The following SMYD3 variants were observed in gnomAD, a reference collection of about 807,000 sequenced individuals.
The protein encoded by SMYD3 is SET and MYND domain containing 3, also known as histone-lysine N-methyltransferase SMYD3.
In SMYD3, 36 loss-of-function variants were observed where a neutral mutation model predicts 57.7. That is an observed-to-expected ratio of 0.62 (90% CI 0.48 to 0.82). The LOEUF is 0.82. Among genes scored for constraint, SMYD3 ranks in the 40% least tolerant of loss-of-function variants. The pLI is 0.00. For missense variants in SMYD3, 515 were observed against 538.8 expected, an observed-to-expected ratio of 0.96 and a Z score of 0.44; for synonymous variants, 211 against 195.0, an observed-to-expected ratio of 1.08 and a Z score of -0.68.
intron 10 of SMYD3, among the ~76,000 whole-genome samples, chr1:245,851,252 A>G (rs577374643): frequency 2.4e-4 from 37 of 152,262 alleles, no homozygotes; most frequent in African/African-American, 8.7e-4. Flanking sequence ...GCTATCTGTA[A>G]GCTCCACCAG....
At chr1:245,974,218 C>A (rs1393376250) in intron 5 of SMYD3, among the ~76,000 whole-genome samples, 1 of 152,152 alleles carries the variant, frequency 6.6e-6, no homozygotes, top group Non-Finnish European at 1.5e-5. Flanking sequence ...CTTTAAATGA[C>A]ATTTTTCAAA....
intron 5 of SMYD3, among the ~76,000 whole-genome samples, chr1:246,154,431 C>T (rs546756233): frequency 2.6e-5 from 4 of 152,130 alleles, no homozygotes; most frequent in African/African-American, 4.8e-5. Context: ...ATTTGACCCC[C>T]GCTCACGGCA....
chr1:246,161,113 A>G (rs971846062), intron 5 of SMYD3, among the ~76,000 whole-genome samples: 1 of 151,966 alleles, frequency 6.6e-6, no homozygotes, highest in Non-Finnish European at 1.5e-5. Flanking sequence ...TGGCAGCACC[A>G]CCCCGCTCCA....
rs151186837 is a variant in SMYD3, at chr1:246,142,431, T to C, written c.531+184770A>G. On this transcript the variant is annotated intron_variant, in intron 5 of 11. Transcript: ENST00000490107. ...CACTTTACAGCTTCTTTTTGGCATA[T>C]CCAAATTGACAGCGCTAGTCTTGCA... is the stretch of plus-strand genomic sequence containing the variant. Among the ~76,000 whole-genome samples the C allele has an allele frequency of 4.6e-5, 7 of 152,246 alleles. No homozygotes were observed. In the South Asian group the frequency reaches 1.2e-3, roughly 27 times the overall value.
chr1:246,348,060 T>TATATATATATATA (rs1173574600), intron 2 of SMYD3, among the ~76,000 whole-genome samples: 3 of 83,008 alleles, frequency 3.6e-5, no homozygotes, highest in Non-Finnish European at 8.0e-5. Flanking sequence ...AAAGAAAACG[T>TATATATATATATA]TATATATATA....
chr1:245,817,628 C>T (rs1572425014), intron 10 of SMYD3, among the ~76,000 whole-genome samples: 1 of 151,782 alleles, frequency 6.6e-6, no homozygotes, highest in East Asian at 1.9e-4. Context: ...AAACCAAAGG[C>T]AAAGAAGTTG....
At chr1:246,090,180 C>A (rs528932805) in intron 5 of SMYD3, among the ~76,000 whole-genome samples, 4 of 152,116 alleles carry the variant, frequency 2.6e-5, no homozygotes, top group African/African-American at 9.6e-5. Flanking sequence ...TACTAGAGTA[C>A]AAAAGAAAAG....
chr1:246,364,264 A>G (rs2066060934), intron 1 of SMYD3, among the ~76,000 whole-genome samples: 1 of 152,176 alleles, frequency 6.6e-6, no homozygotes, highest in Non-Finnish European at 1.5e-5. Flanking sequence ...TAAAAACAAT[A>G]AATCTGATGG....
At chr1:245,797,971 A>T (rs952960189) in intron 10 of SMYD3, among the ~76,000 whole-genome samples, 1 of 152,074 alleles carries the variant, frequency 6.6e-6, no homozygotes, top group Non-Finnish European at 1.5e-5. Flanking sequence ...TCAGTACGTG[A>T]GAATTTTGGG....
At chr1:246,501,452 C>A (rs2068453994) in intron 1 of SMYD3, among the ~76,000 whole-genome samples, 1 of 152,206 alleles carries the variant, frequency 6.6e-6, no homozygotes. Flanking sequence ...CTGCCACACC[C>A]CGTACCTGTT....
intron 5 of SMYD3, among the ~76,000 whole-genome samples, chr1:245,934,577 ATAGT>A (rs1353444887): frequency 6.6e-6 from 1 of 152,124 alleles, no homozygotes; most frequent in Admixed American, 6.6e-5. Context: ...TTTTGGTCAC[ATAGT>A]TAAAGGGTTT....
chr1:245,805,256 A>G (rs530718190), intron 10 of SMYD3, among the ~76,000 whole-genome samples: 8 of 151,898 alleles, frequency 5.3e-5, no homozygotes, highest in African/African-American at 1.9e-4. Flanking sequence ...AATGTTGATA[A>G]TATAAGAGAG....
At position 245,821,325 on chromosome 1, in the gene SMYD3, C is replaced by G. The variant is rs377052872; in HGVS notation, c.1076+37171G>C. On this transcript the variant is annotated intron_variant, in intron 10 of 11. Coordinates refer to ENST00000490107, the MANE Select transcript of SMYD3 (RefSeq NM_001167740.2). Reference sequence around the variant, plus strand: ...ATTCCCTATTTAATAAATGGTGCTGCGAAAACTGGCTAGCCATATGTAGAA... The same window carrying G: ...ATTCCCTATTTAATAAATGGTGCTGGGAAAACTGGCTAGCCATATGTAGAA... Among the ~76,000 whole-genome samples the G allele has an allele frequency of 2.5e-3, 381 of 150,554 alleles. 4 individuals are homozygous for G. Among genetic ancestry groups the G allele is most frequent in the African/African-American group, 7.4e-3 (308 of 41,436 alleles).
In SMYD3 at chr1:245,816,369, G is replaced by C. The variant is rs926755635; in HGVS notation, c.1076+42127C>G. ...GTGGGGCTTGCACTACTGTTTGCTA[G>C]AATGGAGCTTGGCTCTAAAACAGGA... On this transcript the variant is annotated intron_variant, in intron 10 of 11. Coordinates refer to ENST00000490107, the MANE Select transcript of SMYD3 (RefSeq NM_001167740.2). 2.6e-5 allele frequency among the ~76,000 whole-genome samples: 4 copies of C among 152,016 alleles called. No individual in the cohort carries two copies. The South Asian group carries it at 6.2e-4, about 24-fold the overall frequency.
At chr1:246,238,039 C>T (rs556073968) in intron 5 of SMYD3, among the ~76,000 whole-genome samples, 1 of 151,988 alleles carries the variant, frequency 6.6e-6, no homozygotes, top group Admixed American at 6.6e-5. Context: ...TCTGTTTTTT[C>T]ATTTTTCTCA....
chr1:246,405,965 C>T (rs186561438), intron 1 of SMYD3, among the ~76,000 whole-genome samples: 7 of 151,478 alleles, frequency 4.6e-5, no homozygotes, highest in South Asian at 2.1e-4. Context: ...TAGAATTAGA[C>T]GGTTTGAGCC....
intron 5 of SMYD3, among the ~76,000 whole-genome samples, chr1:245,934,276 G>A (rs962832883): frequency 2.6e-5 from 4 of 152,156 alleles, no homozygotes; most frequent in African/African-American, 7.2e-5. Context: ...TGGCAGGTAC[G>A]AAAACCAGAA....
chr1:246,108,952 G>A (rs537632622), intron 5 of SMYD3, among the ~76,000 whole-genome samples: 4 of 152,256 alleles, frequency 2.6e-5, no homozygotes, highest in Admixed American at 2.6e-4. Context: ...ACCATCTTCT[G>A]TGTAGTCTTC....
At chr1:245,817,410 C>T (rs2048911978) in intron 10 of SMYD3, among the ~76,000 whole-genome samples, 1 of 149,236 alleles carries the variant, frequency 6.7e-6, no homozygotes, top group African/African-American at 2.5e-5. Flanking sequence ...TCACCATCAT[C>T]AAAGACCAAA....
Sources: gnomAD v4.1 joint callset for allele counts (sites outside exome capture counted in the v4.1 genomes callset) on GRCh38, gnomAD v4.1.1 for gene constraint, MANE v1.5 for transcripts, NCBI Gene and HGNC (gene_info 2026-07-23, HGNC 2026-07-21) for gene names.